HSD17B14: variants seen among roughly 807,000 people sequenced by gnomAD.
The protein encoded by HSD17B14 is hydroxysteroid 17-beta dehydrogenase 14.
Under a neutral mutation model 32.2 loss-of-function variants are expected in HSD17B14, and 32 were observed. That is an observed-to-expected ratio of 0.99 (90% CI 0.75 to 1.33). The LOEUF (loss-of-function observed/expected upper bound fraction) is 1.33, where lower values mean the gene tolerates loss of function less well. Among genes scored for constraint, HSD17B14 ranks in the 40% most tolerant of loss-of-function variants. HSD17B14 has a pLI of 0.00. For missense variants in HSD17B14, 370 were observed against 366.5 expected (o/e 1.01, Z -0.08); for synonymous variants, 140 against 155.4 (o/e 0.90, Z 0.74).
At chr19:48,825,249 A>AAAAG (rs2035225076) in intron 5 of HSD17B14, among the ~76,000 whole-genome samples, 1 of 151,782 alleles carries the variant, frequency 6.6e-6, no homozygotes, top group Non-Finnish European at 1.5e-5. Context: ...AAAAAAAAAA[A>AAAAG]AAAAAAAATT....
At chr19:48,831,944 G>A (rs539932300) in intron 4 of HSD17B14, among the ~76,000 whole-genome samples, 185 bp from the exon 5 acceptor site, 1 of 151,920 alleles carries the variant, frequency 6.6e-6, no homozygotes, top group Non-Finnish European at 1.5e-5. Context: ...TGGGTGTGGT[G>A]GCGGGTGCCT....
chr19:48,816,281 C>T (rs1418478726), intron 5 of HSD17B14, among the ~76,000 whole-genome samples: 26 of 152,144 alleles, frequency 1.7e-4, no homozygotes, highest in Admixed American at 1.4e-3. Context: ...GCAGGCTCTC[C>T]GAGTGGGAAT....
At chr19:48,831,831 G>GTGCTGGGATTA in intron 4 of HSD17B14, 72 bp from the exon 5 acceptor site, 3 of 881,496 alleles carry the variant, frequency 3.4e-6, no homozygotes, top group Non-Finnish European at 5.6e-6. Context: ...TGTAATCCCA[G>GTGCTGGGATTA]CACTTTGGGA....
chr19:48,820,593 G>A (rs1164387113), intron 5 of HSD17B14, among the ~76,000 whole-genome samples: 1 of 148,990 alleles, frequency 6.7e-6, no homozygotes, highest in Non-Finnish European at 1.5e-5. Flanking sequence ...GTGCAGTGGC[G>A]CAATCTTGGC....
At chr19:48,818,535 C>A (rs1258132427) in intron 5 of HSD17B14, among the ~76,000 whole-genome samples, 3 of 151,200 alleles carry the variant, frequency 2.0e-5, no homozygotes, top group Non-Finnish European at 4.4e-5. Flanking sequence ...TTAATCTCCT[C>A]CCCCACCTGA....
rs146134551 is a variant in HSD17B14 at position 48,836,425 on chromosome 19, G to GTC, written c.-16_-15dup. On this transcript the variant is annotated 5_prime_UTR_variant, in exon 1 of 9. Transcript: ENST00000263278. The stretch of plus-strand genomic sequence containing the variant: ...TCCCGTAGCCATCCCGTGTACGTCG[G>GTC]TCTCTCTCTCTCTCTACTCTGGGCC... 557 of 1,592,122 alleles carry GTC rather than the reference G, an allele frequency of 3.5e-4. No individual in the cohort carries two copies. Among genetic ancestry groups the GTC allele is most frequent in the Middle Eastern group, 2.0e-3 (12 of 6,014 alleles).
intron 5 of HSD17B14, among the ~76,000 whole-genome samples, chr19:48,826,528 A>AAAAAAAATATATAT (rs777368104): frequency 8.7e-5 from 2 of 23,078 alleles, no homozygotes; most frequent in African/African-American, 2.4e-4. Context: ...AAAAGAAGAA[A>AAAAAAAATATATAT]ATATATATAT....
At chr19:48,815,229 G>GC in intron 5 of HSD17B14, 88 bp from the exon 6 acceptor site, 1 of 952,458 alleles carries the variant, frequency 1.0e-6, no homozygotes, top group South Asian at 1.3e-5. Context: ...TGATGTCTGG[G>GC]ATGACGGCCA....
intron 5 of HSD17B14, among the ~76,000 whole-genome samples, chr19:48,823,085 C>G (rs1226453103): frequency 2.0e-5 from 3 of 152,074 alleles, no homozygotes; most frequent in African/African-American, 2.4e-5. Flanking sequence ...GTGAACAAAT[C>G]AGCTGTAATA....
chr19:48,830,284 G>A (rs759577131), intron 5 of HSD17B14, among the ~76,000 whole-genome samples: 8 of 152,154 alleles, frequency 5.3e-5, no homozygotes, highest in Non-Finnish European at 8.8e-5. Flanking sequence ...CCAGGCAGTC[G>A]CCCGATTAAT....
rs562563508 is a variant in HSD17B14 at position 48,822,663 on chromosome 19, GTGA to G, written c.370-7525_370-7523del. Among the ~76,000 whole-genome samples the G allele has an allele frequency of 4.7e-3, 701 of 150,720 alleles. 4 individuals are homozygous for G. Among genetic ancestry groups the G allele is most frequent in the African/African-American group, 0.015 (610 of 41,086 alleles). On this transcript the variant is annotated intron_variant, in intron 5 of 8. Transcript: ENST00000263278. ...GGTGATGATGATTGTGGTAATGATG[GTGA>G]TGATGATGGTGGTGATGATGGTGGC... is the stretch of plus-strand genomic sequence containing the variant.
At chr19:48,827,807 G>A (rs2035275437) in intron 5 of HSD17B14, among the ~76,000 whole-genome samples, 1 of 151,206 alleles carries the variant, frequency 6.6e-6, no homozygotes, top group Admixed American at 6.6e-5. Flanking sequence ...CAAAGTGCTG[G>A]GATTACAGGT....
At chr19:48,832,537 G>C in intron 4 of HSD17B14, 129 bp downstream of exon 4, 1 of 825,736 alleles carries the variant, frequency 1.2e-6, no homozygotes, top group Non-Finnish European at 2.0e-6. Flanking sequence ...TTACTCTCCT[G>C]TCCAAGTGGC....
intron 5 of HSD17B14, among the ~76,000 whole-genome samples, chr19:48,831,328 G>A (rs1021618719): frequency 7.2e-5 from 11 of 152,208 alleles, no homozygotes; most frequent in African/African-American, 2.4e-4. Flanking sequence ...ACTCAAGTCT[G>A]TAATCCCAGC....
In HSD17B14 at chr19:48,834,749, GA is replaced by G. The variant is rs1303166929; in HGVS notation, c.128-392del. 1.1e-4 allele frequency among the ~76,000 whole-genome samples: 10 copies of G among 89,776 alleles called. No individual in the cohort carries two copies. The South Asian group carries it at 1.3e-3, about 12-fold the overall frequency. The allele number at this position is 89,776 out of a possible 152,430, so 58.9% of individuals were successfully genotyped here. On this transcript the variant is annotated intron_variant, in intron 2 of 8. Coordinates refer to ENST00000263278, the MANE Select transcript of HSD17B14 (RefSeq NM_016246.3). ...CTGGGTCTGAGGGAGGAGGGGCTGGGAGCCTGGACTCCTGGGTCTGAGGGAG... is the reference window on the plus strand; with the variant it reads ...CTGGGTCTGAGGGAGGAGGGGCTGGGGCCTGGACTCCTGGGTCTGAGGGAG...
chr19:48,825,109 G>A (rs148914037), intron 5 of HSD17B14, among the ~76,000 whole-genome samples: 4,401 of 151,970 alleles, frequency 0.029, 198 homozygotes, highest in African/African-American at 0.099. Context: ...GTGGTGGCGT[G>A]TGCCTGTAGT....
chr19:48,832,575 G>A (rs1264701078), intron 4 of HSD17B14, 91 bp downstream of exon 4: 2 of 1,118,286 alleles, frequency 1.8e-6, no homozygotes, highest in Non-Finnish European at 2.7e-6. Context: ...CAGGATGAGG[G>A]AATCAGGGGC....
intron 2 of HSD17B14, 91 bp downstream of exon 2, chr19:48,835,714 T>C (rs944709482): frequency 8.8e-5 from 117 of 1,331,500 alleles, no homozygotes; most frequent in Non-Finnish European, 1.2e-4. Context: ...GGGCCTGGAC[T>C]CCGGGGTCTG....
intron 5 of HSD17B14, among the ~76,000 whole-genome samples, chr19:48,820,342 T>C (rs535797): frequency 0.03 from 4,598 of 151,660 alleles, 227 homozygotes; most frequent in African/African-American, 0.1. Context: ...TGGTGGCACA[T>C]ACCTGTAATC....
Sources: allele counts gnomAD v4.1 joint callset (sites outside exome capture counted in the v4.1 genomes callset), GRCh38; gene constraint gnomAD v4.1.1; transcripts MANE v1.5; gene names NCBI Gene and HGNC (gene_info 2026-07-23, HGNC 2026-07-21).